The following ALK variants were observed in gnomAD, a reference collection of about 807,000 sequenced individuals.
ALK encodes ALK receptor tyrosine kinase, also known as ALK tyrosine kinase receptor.
ALK carries 74 observed loss-of-function variants against 163.1 expected under a neutral mutation model. The ratio of observed to expected loss-of-function variants is 0.45; its 90% CI spans 0.38 to 0.55. The LOEUF is 0.55. Ranked by LOEUF, ALK falls within the 20% of genes least tolerant of loss-of-function variation. The pLI is 0.00. For missense variants in ALK, 2,063 were observed against 2,105.3 expected (o/e 0.98, Z 0.39); for synonymous variants, 960 against 843.2 (o/e 1.14, Z -2.40).
At chr2:29,396,347 C>T (rs1399625009) in intron 4 of ALK, among the ~76,000 whole-genome samples, 1 of 152,132 alleles carries the variant, frequency 6.6e-6, no homozygotes, top group African/African-American at 2.4e-5. Context: ...GAGGAGGGGT[C>T]CATTCTACAC....
At chr2:29,689,278 G>A (rs567962422) in intron 3 of ALK, among the ~76,000 whole-genome samples, 9 of 152,318 alleles carry the variant, frequency 5.9e-5, no homozygotes, top group African/African-American at 1.7e-4. Context: ...TCAAGAGTCA[G>A]AGGTGAGACT....
chr2:29,918,566 G>A lies in ALK; in HGVS notation c.667+1427C>T, dbSNP rs142329623. ...ACTAAATGAAAAGGGCTCACTTTAGGTGCCAGTGTCACTAACACTAATGTT... is the reference window on the plus strand; with the variant it reads ...ACTAAATGAAAAGGGCTCACTTTAGATGCCAGTGTCACTAACACTAATGTT... On this transcript the variant is annotated intron_variant, in intron 1 of 28. Transcript: ENST00000389048. Among the ~76,000 whole-genome samples the A allele has an allele frequency of 3.0e-4, 45 of 152,186 alleles. No homozygotes were observed. In the East Asian group the frequency reaches 7.9e-3, roughly 27 times the overall value.
chr2:29,870,357 A>C (rs1209328930), intron 1 of ALK, among the ~76,000 whole-genome samples: 1 of 152,184 alleles, frequency 6.6e-6, no homozygotes, highest in Non-Finnish European at 1.5e-5. Context: ...GGCTGGCAGG[A>C]GACAAAGTGT....
At chr2:29,635,954 C>A (rs1307529217) in intron 3 of ALK, among the ~76,000 whole-genome samples, 1 of 151,916 alleles carries the variant, frequency 6.6e-6, no homozygotes, top group Non-Finnish European at 1.5e-5. Flanking sequence ...TTTAAATGAC[C>A]AAGCTTGTGG....
At chr2:29,440,998 C>T (rs910198034) in intron 4 of ALK, among the ~76,000 whole-genome samples, 11 of 152,206 alleles carry the variant, frequency 7.2e-5, no homozygotes, top group Non-Finnish European at 1.6e-4. Flanking sequence ...GGCCAAGTCT[C>T]CGGCTTCAAT....
At chr2:29,229,198 G>T (rs1025727855) in intron 15 of ALK, 132 bp from the exon 16 acceptor site, 2 of 790,054 alleles carry the variant, frequency 2.5e-6, no homozygotes, top group Non-Finnish European at 4.4e-6. Context: ...CCCATCTTCA[G>T]TGGGGCCTGG....
chr2:29,313,636 C>G (rs1309787211), intron 8 of ALK, among the ~76,000 whole-genome samples: 2 of 152,132 alleles, frequency 1.3e-5, no homozygotes, highest in Non-Finnish European at 2.9e-5. Flanking sequence ...GCATGAAACT[C>G]AGAATCATAA....
intron 6 of ALK, among the ~76,000 whole-genome samples, chr2:29,322,865 C>A (rs1667111905): frequency 2.0e-5 from 3 of 152,152 alleles, no homozygotes; most frequent in Admixed American, 6.5e-5. Context: ...ACAAACAAAA[C>A]ACCCCAGGGC....
intron 3 of ALK, among the ~76,000 whole-genome samples, chr2:29,557,143 G>A (rs1236516324): frequency 2.7e-5 from 4 of 149,138 alleles, no homozygotes; most frequent in Non-Finnish European, 5.9e-5. Flanking sequence ...CTGACTGACT[G>A]ATAGATGAAA....
intron 3 of ALK, among the ~76,000 whole-genome samples, chr2:29,572,754 G>A (rs1030678319): frequency 6.6e-6 from 1 of 152,176 alleles, no homozygotes; most frequent in African/African-American, 2.4e-5. Context: ...CTGAACAGAT[G>A]AATGAAGACT....
intron 3 of ALK, among the ~76,000 whole-genome samples, chr2:29,692,092 A>T (rs2148287131): frequency 6.6e-6 from 1 of 152,372 alleles, no homozygotes; most frequent in East Asian, 1.9e-4. Flanking sequence ...AAGCCCAGCT[A>T]TGCCTCAGAA....
chr2:29,625,059 G>A (rs1676153007), intron 3 of ALK, among the ~76,000 whole-genome samples: 1 of 152,224 alleles, frequency 6.6e-6, no homozygotes. Context: ...AGGTTAGTGT[G>A]GGGAGGCAGT....
chr2:29,808,338 C>T (rs767317669), intron 1 of ALK, among the ~76,000 whole-genome samples: 3 of 152,090 alleles, frequency 2.0e-5, no homozygotes, highest in Admixed American at 6.6e-5. Flanking sequence ...AAGGCAGCCT[C>T]GTCTGAAAAG....
chr2:29,361,813 A>G (rs140327376), intron 5 of ALK, among the ~76,000 whole-genome samples: 2 of 152,282 alleles, frequency 1.3e-5, no homozygotes, highest in African/African-American at 4.8e-5. Flanking sequence ...ATCTGGTTGG[A>G]GGTCCTGGTT....
intron 3 of ALK, among the ~76,000 whole-genome samples, chr2:29,541,578 A>AATTTGG: frequency 6.6e-6 from 1 of 152,236 alleles, no homozygotes; most frequent in Non-Finnish European, 1.5e-5. Context: ...GGTGTGAGCC[A>AATTTGG]CCACACATGG....
intron 9 of ALK, among the ~76,000 whole-genome samples, chr2:29,296,054 T>G (rs1030681429): frequency 6.6e-6 from 1 of 152,196 alleles, no homozygotes. Context: ...GGTGGCAGAA[T>G]AGTGCCATCC....
chr2:29,234,524 C>T (rs911204504), intron 13 of ALK, among the ~76,000 whole-genome samples: 17 of 151,948 alleles, frequency 1.1e-4, no homozygotes, highest in Admixed American at 7.2e-4. Flanking sequence ...TTTTTCCCTC[C>T]GGAATCCCTG....
intron 1 of ALK, among the ~76,000 whole-genome samples, chr2:29,742,933 C>T (rs1206291600): frequency 6.6e-6 from 1 of 152,196 alleles, no homozygotes; most frequent in Non-Finnish European, 1.5e-5. Flanking sequence ...CTCATAATAA[C>T]AAACACTTCT....
intron 4 of ALK, among the ~76,000 whole-genome samples, chr2:29,484,863 T>C (rs1375787041): frequency 6.6e-6 from 1 of 152,152 alleles, no homozygotes; most frequent in Non-Finnish European, 1.5e-5. Flanking sequence ...ACTGATCTAC[T>C]GTTTTCTGTT....
Sources: gnomAD v4.1 joint callset for allele counts (sites outside exome capture counted in the v4.1 genomes callset) on GRCh38, gnomAD v4.1.1 for gene constraint, MANE v1.5 for transcripts, NCBI Gene and HGNC (gene_info 2026-07-23, HGNC 2026-07-21) for gene names.